The following MTUS2 variants were observed in gnomAD, a reference collection of about 807,000 sequenced individuals.
MTUS2 encodes microtubule-associated tumor suppressor candidate 2.
Under a neutral mutation model 114.1 loss-of-function variants are expected in MTUS2, and 40 were observed. The observed-to-expected ratio is 0.35, with a 90% CI of 0.27 to 0.46. The LOEUF (loss-of-function observed/expected upper bound fraction) is 0.46, where lower values mean the gene tolerates loss of function less well. MTUS2 is among the 20% of genes least tolerant of loss of function. The pLI is 1.00. For missense variants in MTUS2, 1,679 were observed against 1,705.4 expected (o/e 0.98, Z 0.27); for synonymous variants, 688 against 672.0 (o/e 1.02, Z -0.37).
chr13:29,128,976 A>G (rs1891637235), intron 5 of MTUS2, among the ~76,000 whole-genome samples: 1 of 152,214 alleles, frequency 6.6e-6, no homozygotes, highest in African/African-American at 2.4e-5. Context: ...GTTTAAAAGG[A>G]AATTGTAAAT....
intron 8 of MTUS2, among the ~76,000 whole-genome samples, chr13:29,370,576 C>T (rs762983715): frequency 9.2e-5 from 14 of 152,130 alleles, no homozygotes; most frequent in African/African-American, 3.1e-4. Context: ...CTTGTCCCTC[C>T]GTGTCATGCA....
At chr13:29,488,832 A>G (rs564280657) in intron 11 of MTUS2, among the ~76,000 whole-genome samples, 12 of 152,312 alleles carry the variant, frequency 7.9e-5, no homozygotes, top group African/African-American at 2.9e-4. Flanking sequence ...TTTGGGTTTT[A>G]CGTGGGTCAT....
At chr13:29,277,200 A>T (rs941016698) in intron 5 of MTUS2, among the ~76,000 whole-genome samples, 1 of 151,970 alleles carries the variant, frequency 6.6e-6, no homozygotes, top group African/African-American at 2.4e-5. Context: ...ACTTGTTTTG[A>T]TGTTTATTTT....
chr13:28,876,268 G>T (rs1228519372), intron 2 of MTUS2, among the ~76,000 whole-genome samples: 7 of 152,202 alleles, frequency 4.6e-5, no homozygotes, highest in African/African-American at 1.7e-4. Flanking sequence ...CTAGATTAGA[G>T]ATTCTGAAGC....
At chr13:29,289,094 G>C (rs1406387559) in intron 6 of MTUS2, among the ~76,000 whole-genome samples, 2 of 152,170 alleles carry the variant, frequency 1.3e-5, no homozygotes, top group African/African-American at 4.8e-5. Flanking sequence ...TGTAACTGTA[G>C]AAGATTTTGG....
chr13:29,035,044 C>T lies in MTUS2; in HGVS notation c.2446+919C>T, dbSNP rs149731383. On this transcript the variant is annotated intron_variant, in intron 4 of 15. Transcript: ENST00000612955. ...CTATACTACTGCATAAAAATACCAC[C>T]GTGATACAGACAGGCAGATCAAATT... Among the ~76,000 whole-genome samples the T allele has an allele frequency of 4.6e-3, 698 of 152,226 alleles. 2 individuals are homozygous for T. The highest frequency in any genetic ancestry group is 6.9e-3 in the Non-Finnish European group (468 of 68,012).
At chr13:28,925,897 G>A (rs1881302770) in intron 2 of MTUS2, among the ~76,000 whole-genome samples, 1 of 152,186 alleles carries the variant, frequency 6.6e-6, no homozygotes, top group African/African-American at 2.4e-5. Flanking sequence ...ATATGACTAT[G>A]GGAATTAGAA....
At chr13:29,465,148 T>A (rs2138811828) in intron 9 of MTUS2, among the ~76,000 whole-genome samples, 1 of 152,324 alleles carries the variant, frequency 6.6e-6, no homozygotes, top group South Asian at 2.1e-4. Flanking sequence ...GAGGGCTCAG[T>A]ACCCATTAGC....
In MTUS2 at chr13:29,504,829, C is replaced by T. The variant is rs1593529498; in HGVS notation, c.*1623C>T. On this transcript the variant is annotated 3_prime_UTR_variant, in exon 16 of 16. Transcript: ENST00000612955. ...TTGAGCGTGCCCAAGGCGAGAAGAA[C>T]CATGAGGGGGTCCTGCAGGGGCCGG... is the stretch of plus-strand genomic sequence containing the variant. 2.1e-5 allele frequency: 5 copies of T among 232,918 alleles called. No homozygotes were observed. The East Asian group carries it at 3.0e-4, about 14-fold the overall frequency. 14.4% of individuals were successfully genotyped at this position (232,918 alleles called of 1,614,324 possible). A position where few individuals can be genotyped will look rare whatever the true frequency, so the allele number is the denominator to read the frequency against.
At chr13:29,304,800 T>C (rs539536337) in intron 6 of MTUS2, among the ~76,000 whole-genome samples, 3 of 152,306 alleles carry the variant, frequency 2.0e-5, no homozygotes, top group Admixed American at 6.5e-5. Context: ...GATAGGTATC[T>C]ACAGAACTGT....
At chr13:28,921,919 G>T (rs1168121972) in intron 2 of MTUS2, among the ~76,000 whole-genome samples, 2 of 152,186 alleles carry the variant, frequency 1.3e-5, no homozygotes, top group Non-Finnish European at 2.9e-5. Flanking sequence ...GGGAGAGGTG[G>T]CACAAGCACA....
intron 2 of MTUS2, among the ~76,000 whole-genome samples, chr13:29,017,427 A>G (rs572198111): frequency 1.2e-3 from 184 of 152,212 alleles, no homozygotes; most frequent in Non-Finnish European, 2.3e-3. Flanking sequence ...CTGATAAAGC[A>G]TTACACAGCA....
intron 5 of MTUS2, among the ~76,000 whole-genome samples, chr13:29,227,288 G>A (rs1055399485): frequency 2.0e-5 from 3 of 150,136 alleles, no homozygotes; most frequent in Non-Finnish European, 4.4e-5. Flanking sequence ...AAACTGCGTA[G>A]AGGCAGCTTC....
At chr13:29,398,991 C>T (rs544193016) in intron 8 of MTUS2, among the ~76,000 whole-genome samples, 4 of 152,140 alleles carry the variant, frequency 2.6e-5, no homozygotes, top group East Asian at 1.9e-4. Context: ...AGGGCGAGTC[C>T]GTACAGTGAA....
At chr13:29,076,408 AATGGTTTC>A (rs1183372588) in intron 4 of MTUS2, among the ~76,000 whole-genome samples, 2 of 152,222 alleles carry the variant, frequency 1.3e-5, no homozygotes, top group Non-Finnish European at 2.9e-5. Flanking sequence ...TTTATGATCT[AATGGTTTC>A]TGTGGGTCAG....
At chr13:29,127,980 G>T (rs1262469734) in intron 5 of MTUS2, among the ~76,000 whole-genome samples, 1 of 152,206 alleles carries the variant, frequency 6.6e-6, no homozygotes, top group African/African-American at 2.4e-5. Context: ...GCTGCAGGCT[G>T]GTGAGATCAG....
intron 3 of MTUS2, among the ~76,000 whole-genome samples, chr13:29,030,954 C>G (rs1454733853): frequency 6.6e-6 from 1 of 152,120 alleles, no homozygotes; most frequent in Non-Finnish European, 1.5e-5. Flanking sequence ...GGGATCTAGT[C>G]ATGTCCAGGT....
intron 2 of MTUS2, among the ~76,000 whole-genome samples, chr13:28,896,327 A>G (rs1811036850): frequency 1.3e-5 from 2 of 152,198 alleles, no homozygotes; most frequent in Admixed American, 6.5e-5. Context: ...TAAAATACCT[A>G]CGAATCCAAC....
chr13:29,445,722 G>T (rs1381457566), intron 9 of MTUS2, among the ~76,000 whole-genome samples: 1 of 149,868 alleles, frequency 6.7e-6, no homozygotes, highest in Non-Finnish European at 1.5e-5. Flanking sequence ...GCCTGGCCAT[G>T]GCGAACCCCA....
Sources: allele counts gnomAD v4.1 joint callset (sites outside exome capture counted in the v4.1 genomes callset), GRCh38; gene constraint gnomAD v4.1.1; transcripts MANE v1.5; gene names NCBI Gene and HGNC (gene_info 2026-07-23, HGNC 2026-07-21).